ATP6V1B2: variants seen among roughly 807,000 people sequenced by gnomAD.
The protein encoded by ATP6V1B2 is V-type proton ATPase subunit B, brain isoform.
A neutral mutation model predicts 66.7 loss-of-function variants in ATP6V1B2; 23 were observed. The observed-to-expected ratio is 0.34, with a 90% CI of 0.25 to 0.49. ATP6V1B2 has a LOEUF of 0.49. Among genes scored for constraint, ATP6V1B2 ranks in the 20% least tolerant of loss-of-function variants. The pLI is 0.99. For missense variants in ATP6V1B2, 478 were observed against 650.8 expected (o/e 0.73, Z 2.89); for synonymous variants, 278 against 236.7 (o/e 1.17, Z -1.60).
At chr8:20,217,150 T>C (rs1232371206) in intron 11 of ATP6V1B2, 70 bp from the exon 12 acceptor site, 4 of 1,284,410 alleles carry the variant, frequency 3.1e-6, no homozygotes, top group Non-Finnish European at 4.5e-6. Context: ...TTTCAAATGT[T>C]TTTTTATTAC....
At chr8:20,203,975 A>G (rs776502975) in intron 1 of ATP6V1B2, 3 of 455,774 alleles carry the variant, frequency 6.6e-6, no homozygotes, top group South Asian at 4.7e-5. Flanking sequence ...CAATTTCTCC[A>G]ATTTCCTTTG....
chr8:20,212,821 A>G lies in ATP6V1B2; in HGVS notation c.843A>G (p.Thr281=), dbSNP rs145343305. ...TCACTCCTCGCCTGGCTCTAACCAC[A>G]GCTGAATTTCTGGCGTACCAATGTG... ...RIITPRLALT[T]AEFLAYQCEK... The change falls in exon 9 of 14, where the codon ACA becomes ACG. Residue 281 remains threonine (T), a synonymous_variant. Transcript: ENST00000276390. 2 of 1,613,722 alleles carry G rather than the reference A, an allele frequency of 1.2e-6. No individual in the cohort carries two copies. The highest frequency in any genetic ancestry group is 1.3e-5 in the African/African-American group (1 of 74,888).
chr8:20,217,194 A>AT (rs1299258059), intron 11 of ATP6V1B2, 26 bp from the exon 12 acceptor site: 5 of 1,563,246 alleles, frequency 3.2e-6, no homozygotes, highest in African/African-American at 1.4e-5. Context: ...TAAATATAGT[A>AT]TTTTTTCCCT....
In ATP6V1B2 at chr8:20,220,559, G is replaced by A. The variant is rs1409329985; in HGVS notation, c.*157G>A. The stretch of plus-strand genomic sequence containing the variant: ...TAACATATTGTGCCAGTGTTGCAAC[G>A]TTTTAAACTGCTAACAGACCTTAAA... On this transcript the variant is annotated 3_prime_UTR_variant, in exon 14 of 14. Coordinates refer to ENST00000276390, the MANE Select transcript of ATP6V1B2 (RefSeq NM_001693.4). The A allele has an allele frequency of 4.7e-6, 5 of 1,066,920 alleles. No individual in the cohort carries two copies. In the South Asian group the frequency reaches 6.4e-5, roughly 14 times the overall value. The allele number at this position is 1,066,920 out of a possible 1,614,324, so 66.1% of individuals were successfully genotyped here. A position where few individuals can be genotyped will look rare whatever the true frequency, so the allele number is the denominator to read the frequency against.
At chr8:20,205,537 A>G (rs531560958) in intron 2 of ATP6V1B2, among the ~76,000 whole-genome samples, 7 of 152,338 alleles carry the variant, frequency 4.6e-5, no homozygotes, top group African/African-American at 1.4e-4. Context: ...GTTTCATTGA[A>G]TGTTACATTG....
chr8:20,211,566 G>A lies in ATP6V1B2; in HGVS notation c.604-86G>A, dbSNP rs1184824679. On this transcript the variant is annotated intron_variant, in intron 6 of 13. Coordinates refer to ENST00000276390, the MANE Select transcript of ATP6V1B2 (RefSeq NM_001693.4). ...ACATCCTGGTTTCGTTTATGATTACGATTCCAAAAAGTTTATGGTAAAAGT... is the reference window on the plus strand; with the variant it reads ...ACATCCTGGTTTCGTTTATGATTACAATTCCAAAAAGTTTATGGTAAAAGT... 6 of 1,426,798 alleles carry A rather than the reference G, an allele frequency of 4.2e-6. No individual in the cohort carries two copies. The Admixed American group carries it at 7.1e-5, about 17-fold the overall frequency. The allele number at this position is 1,426,798 out of a possible 1,614,324, so 88.4% of individuals were successfully genotyped here.
intron 3 of ATP6V1B2, among the ~76,000 whole-genome samples, chr8:20,210,140 T>G (rs557128644): frequency 6.6e-4 from 99 of 150,610 alleles, no homozygotes; most frequent in South Asian, 3.1e-3. Flanking sequence ...ATGCTTAGCT[T>G]GCTTATCAAA....
At position 20,216,453 on chromosome 8, in the gene ATP6V1B2, A is replaced by G; in HGVS notation, c.1119A>G (p.Thr373=). The G allele has an allele frequency of 6.2e-7, 1 of 1,613,418 alleles. No homozygotes were observed. Among genetic ancestry groups the G allele is most frequent in the South Asian group, 1.1e-5 (1 of 91,056 alleles). The change falls in exon 11 of 14, where the codon ACA becomes ACG. Residue 373 remains threonine (T), a synonymous_variant. Coordinates refer to ENST00000276390, the MANE Select transcript of ATP6V1B2 (RefSeq NM_001693.4). Reference sequence around the variant, plus strand: ...TCCCAGACTTGACTGGCTACATTACAGAGGGGCAGATCTATGTGGACAGAC... The same window carrying G: ...TCCCAGACTTGACTGGCTACATTACGGAGGGGCAGATCTATGTGGACAGAC... The part of the protein sequence containing the change: ...HPIPDLTGYI[T]EGQIYVDRQL...
intron 12 of ATP6V1B2, among the ~76,000 whole-genome samples, 200 bp from the exon 13 acceptor site, chr8:20,217,953 T>C (rs1269843155): frequency 6.6e-6 from 1 of 152,200 alleles, no homozygotes; most frequent in Non-Finnish European, 1.5e-5. Context: ...GAGTGTCTTG[T>C]GTATTGTATG....
chr8:20,218,415 G>T lies in ATP6V1B2; in HGVS notation c.1396+133G>T, dbSNP rs2072875864. On this transcript the variant is annotated intron_variant, in intron 13 of 13. Transcript: ENST00000276390. ...GGTTAGAGAAGAGGCTCTGTCACCT[G>T]CCTGCCTTAACCCTCTGGCTTCTCC... 3.3e-6 allele frequency: 4 copies of T among 1,208,514 alleles called. No individual in the cohort carries two copies. In the South Asian group the frequency reaches 5.0e-5, roughly 15 times the overall value. 74.9% of individuals were successfully genotyped at this position (1,208,514 alleles called of 1,614,324 possible).
intron 1 of ATP6V1B2, among the ~76,000 whole-genome samples, chr8:20,199,789 T>G (rs1190432870): frequency 2.0e-5 from 3 of 151,990 alleles, no homozygotes; most frequent in Admixed American, 6.6e-5. Context: ...TTTTTGTATT[T>G]TAGTAGAGAC....
chr8:20,207,669 A>G lies in ATP6V1B2; in HGVS notation c.193-1764A>G, dbSNP rs750124868. The stretch of plus-strand genomic sequence containing the variant: ...ACATAAATTTGTAAAGGACCACAGT[A>G]TGTTTTATTATGTAAAAAGTGTTGT... On this transcript the variant is annotated intron_variant, in intron 2 of 13. Coordinates refer to ENST00000276390, the MANE Select transcript of ATP6V1B2 (RefSeq NM_001693.4). 3.3e-5 allele frequency among the ~76,000 whole-genome samples: 5 copies of G among 152,012 alleles called. 1 individual carries two copies. The highest frequency in any genetic ancestry group is 7.2e-5 in the African/African-American group (3 of 41,436).
chr8:20,200,853 A>C (rs1293863158), intron 1 of ATP6V1B2, among the ~76,000 whole-genome samples: 3 of 152,060 alleles, frequency 2.0e-5, no homozygotes, highest in Admixed American at 1.3e-4. Context: ...GCAGATCTCT[A>C]CTCTTCTTGT....
chr8:20,208,282 G>T (rs1459529712), intron 2 of ATP6V1B2, among the ~76,000 whole-genome samples: 2 of 152,094 alleles, frequency 1.3e-5, no homozygotes, highest in Non-Finnish European at 2.9e-5. Flanking sequence ...GAACTCCACT[G>T]GTAAAAGAAC....
chr8:20,199,606 T>G (rs1336776023), intron 1 of ATP6V1B2, among the ~76,000 whole-genome samples: 5 of 19,186 alleles, frequency 2.6e-4, no homozygotes, highest in South Asian at 1.4e-3. Context: ...TTTTGTGGGT[T>G]TTTTTTTTTT....
chr8:20,216,167 G>C (rs2072852493), intron 10 of ATP6V1B2: 1 of 306,500 alleles, frequency 3.3e-6, no homozygotes, highest in African/African-American at 2.2e-5. Context: ...TTGAAATTAA[G>C]TTTTTCAGTT....
chr8:20,212,024 T>C lies in ATP6V1B2; in HGVS notation c.706-78T>C, dbSNP rs907483780. On this transcript the variant is annotated intron_variant, in intron 7 of 13. Transcript: ENST00000276390. ...GTTTTAAAAGAAGGAACAATTCAAA[T>C]CTGTAGCTTGGCTTTCATCAGAAAT... The C allele has an allele frequency of 5.9e-6, 8 of 1,355,446 alleles. No individual in the cohort carries two copies. In the Admixed American group the frequency reaches 7.8e-5, roughly 13 times the overall value. The allele number at this position is 1,355,446 out of a possible 1,614,324, so 84.0% of individuals were successfully genotyped here.
rs755695034 is a variant in ATP6V1B2, at chr8:20,211,613, T to C, written c.604-39T>C. On this transcript the variant is annotated intron_variant, in intron 6 of 13. Transcript: ENST00000276390. ...AAGTTATTTTGTTGTAGAAATGTTA[T>C]TTTAGATTTCAACTGAATTCTTCTA... 2.6e-6 allele frequency: 4 copies of C among 1,556,066 alleles called. No homozygotes were observed. The Admixed American group carries it at 8.1e-5, about 32-fold the overall frequency.
intron 1 of ATP6V1B2, among the ~76,000 whole-genome samples, chr8:20,198,004 C>A (rs1004329140): frequency 2.6e-5 from 4 of 152,234 alleles, no homozygotes; most frequent in South Asian, 2.1e-4. Flanking sequence ...AGAGCCTTCG[C>A]TGACGTGGTC....
Sources: gnomAD v4.1 joint callset for allele counts (sites outside exome capture counted in the v4.1 genomes callset) on GRCh38, gnomAD v4.1.1 for gene constraint, MANE v1.5 for transcripts, NCBI Gene and HGNC (gene_info 2026-07-23, HGNC 2026-07-21) for gene names.